Variants in SCFD1 observed in about 807,000 individuals in gnomAD.
The protein encoded by SCFD1 is sec1 family domain-containing protein 1.
A neutral mutation model predicts 103.2 loss-of-function variants in SCFD1; 37 were observed. The observed-to-expected ratio is 0.36, with a 90% CI of 0.28 to 0.47. The LOEUF (loss-of-function observed/expected upper bound fraction) is 0.47, where lower values mean the gene tolerates loss of function less well. Ranked by LOEUF, SCFD1 falls within the 20% of genes least tolerant of loss-of-function variation. SCFD1 has a pLI of 1.00. For missense variants in SCFD1, 639 were observed against 761.2 expected (o/e 0.84, Z 1.89); for synonymous variants, 264 against 245.0 (o/e 1.08, Z -0.73).
At chr14:30,660,915 T>C (rs1887390196) in intron 10 of SCFD1, among the ~76,000 whole-genome samples, 1 of 152,158 alleles carries the variant, frequency 6.6e-6, no homozygotes, top group Non-Finnish European at 1.5e-5. Context: ...TATCCTAAGC[T>C]AATCATATTC....
chr14:30,718,607 A>G (rs1892447677), intron 20 of SCFD1, among the ~76,000 whole-genome samples: 1 of 152,266 alleles, frequency 6.6e-6, no homozygotes, highest in African/African-American at 2.4e-5. Context: ...ATACTAAGTT[A>G]GACCTGATAA....
At chr14:30,703,943 ATATATATATATATATATATAAAT>A (rs1566645892) in intron 17 of SCFD1, among the ~76,000 whole-genome samples, 14 of 59,906 alleles carry the variant, frequency 2.3e-4, no homozygotes, top group South Asian at 2.0e-3. Context: ...ATATATATAT[ATATATATATATATATATATAAAT>A]AATGAGATAT....
intron 23 of SCFD1, among the ~76,000 whole-genome samples, chr14:30,725,033 T>C (rs2139422921): frequency 6.6e-6 from 1 of 152,300 alleles, no homozygotes; most frequent in South Asian, 2.1e-4. Flanking sequence ...TCTGTTTGAT[T>C]GGTCTGTAGG....
At chr14:30,647,630 C>T (rs537861397) in intron 7 of SCFD1, among the ~76,000 whole-genome samples, 5 of 152,018 alleles carry the variant, frequency 3.3e-5, no homozygotes, top group Non-Finnish European at 5.9e-5. Flanking sequence ...AGAAAGTACA[C>T]GTATACAACT....
chr14:30,699,080 T>C (rs921070347), intron 15 of SCFD1, among the ~76,000 whole-genome samples: 1 of 152,164 alleles, frequency 6.6e-6, no homozygotes, highest in Non-Finnish European at 1.5e-5. Flanking sequence ...AACAAAAATA[T>C]CAGTATTGTC....
chr14:30,643,185 T>G (rs1885459346), intron 6 of SCFD1, 131 bp from the exon 7 acceptor site: 1 of 727,754 alleles, frequency 1.4e-6, no homozygotes, highest in Admixed American at 2.5e-5. Context: ...AAAAAAAAAT[T>G]TAAACCAAAA....
chr14:30,723,314 G>A (rs761598196), intron 23 of SCFD1, among the ~76,000 whole-genome samples: 2 of 151,992 alleles, frequency 1.3e-5, no homozygotes, highest in Non-Finnish European at 2.9e-5. Context: ...CATAGGACAC[G>A]CTTCATCTTT....
At position 30,681,220 on chromosome 14, in the gene SCFD1, C is replaced by CAA. The variant is rs34998524; in HGVS notation, c.1242+6169_1242+6170dup. ...TGAGTGACAGAGTGAGACTCTGTCTCAAAAAAAAAAAAAAAGCGCTCAACA... is the reference window on the plus strand; with the variant it reads ...TGAGTGACAGAGTGAGACTCTGTCTCAAAAAAAAAAAAAAAAAGCGCTCAACA... On this transcript the variant is annotated intron_variant, in intron 14 of 24. Coordinates refer to ENST00000458591, the MANE Select transcript of SCFD1 (RefSeq NM_016106.4). Among the ~76,000 whole-genome samples, 137 of 98,230 alleles carry CAA rather than the reference C, an allele frequency of 1.4e-3. 1 individual carries two copies. The highest frequency in any genetic ancestry group is 2.2e-3 in the South Asian group (7 of 3,164). 64.4% of individuals were successfully genotyped at this position (98,230 alleles called of 152,430 possible).
At chr14:30,626,815 C>T (rs1883504676) in intron 1 of SCFD1, among the ~76,000 whole-genome samples, 1 of 152,260 alleles carries the variant, frequency 6.6e-6, no homozygotes, top group Non-Finnish European at 1.5e-5. Context: ...TGTACACACA[C>T]ATAAGTATGC....
chr14:30,677,440 T>A (rs1889117559), intron 14 of SCFD1, among the ~76,000 whole-genome samples: 1 of 152,186 alleles, frequency 6.6e-6, no homozygotes, highest in African/African-American at 2.4e-5. Context: ...GAAAATAATG[T>A]CATCTGTAGA....
Position 30,634,117 on chromosome 14 carries a change from G to T in SCFD1, c.312+80G>T. 5.2e-6 allele frequency: 4 copies of T among 766,460 alleles called. No individual in the cohort carries two copies. The South Asian group carries it at 7.1e-5, about 14-fold the overall frequency. 47.5% of individuals were successfully genotyped at this position (766,460 alleles called of 1,614,324 possible). On this transcript the variant is annotated intron_variant, in intron 4 of 24. Coordinates refer to ENST00000458591, the MANE Select transcript of SCFD1 (RefSeq NM_016106.4). ...CAAGAAAAATTCCTAGATGTCCAGGGTGAAAAATCAGAAATTCCTATGCCT... is the reference window on the plus strand; with the variant it reads ...CAAGAAAAATTCCTAGATGTCCAGGTTGAAAAATCAGAAATTCCTATGCCT...
In SCFD1 at chr14:30,653,531, T is replaced by G; in HGVS notation, c.798T>G (p.Asp266Glu). 6.2e-7 allele frequency: 1 copy of G among 1,613,834 alleles called. No homozygotes were observed. Among genetic ancestry groups the G allele is most frequent in the Non-Finnish European group, 8.5e-7 (1 of 1,179,798 alleles). ...TAGTCCTTGTTGACAGAAACATAGA[T>G]TTGGCAACTCCTTTACATCATACTT... ...PLLVLVDRNIDLATPLHHTWT... is the reference protein window; with the variant it reads ...PLLVLVDRNIELATPLHHTWT... The change falls in exon 10 of 25, where the codon GAT becomes GAG. Residue 266 changes from aspartate (D) to glutamate (E), a missense_variant. By Grantham distance (45) the Asp-to-Glu change is conservative. Coordinates refer to ENST00000458591, the MANE Select transcript of SCFD1 (RefSeq NM_016106.4).
chr14:30,709,582 G>A (rs1891720208), intron 19 of SCFD1, among the ~76,000 whole-genome samples: 1 of 152,096 alleles, frequency 6.6e-6, no homozygotes, highest in Admixed American at 6.5e-5. Context: ...CTACCTCCTG[G>A]TAAGGAGCTA....
intron 15 of SCFD1, among the ~76,000 whole-genome samples, chr14:30,696,120 G>A (rs1015829411): frequency 4.6e-5 from 7 of 152,040 alleles, no homozygotes; most frequent in Non-Finnish European, 7.4e-5. Flanking sequence ...CATAATTATG[G>A]TTTTTGAGTT....
chr14:30,656,506 T>C (rs2139130784), intron 10 of SCFD1, among the ~76,000 whole-genome samples: 3 of 152,236 alleles, frequency 2.0e-5, no homozygotes, highest in Admixed American at 2.0e-4. Flanking sequence ...CTTGACTCTC[T>C]AGGTGCCAGT....
At chr14:30,720,562 G>T (rs1594761944) in intron 21 of SCFD1, among the ~76,000 whole-genome samples, 1 of 151,720 alleles carries the variant, frequency 6.6e-6, no homozygotes, top group Middle Eastern at 3.4e-3. Flanking sequence ...AAAATATTTG[G>T]GGGGAAAAAC....
chr14:30,627,802 T>A (rs1594546608), intron 1 of SCFD1, among the ~76,000 whole-genome samples: 2 of 131,468 alleles, frequency 1.5e-5, no homozygotes. Flanking sequence ...CCACTCACAC[T>A]TAAAAAAAAA....
At chr14:30,666,113 C>T (rs1887941704) in intron 10 of SCFD1, among the ~76,000 whole-genome samples, 1 of 152,190 alleles carries the variant, frequency 6.6e-6, no homozygotes, top group South Asian at 2.1e-4. Context: ...TTCTTCTCAA[C>T]ACCACATCAC....
intron 1 of SCFD1, among the ~76,000 whole-genome samples, chr14:30,627,432 A>G (rs1432684501): frequency 2.0e-5 from 3 of 152,206 alleles, no homozygotes; most frequent in African/African-American, 7.2e-5. Flanking sequence ...TGAATATGCC[A>G]TGGATAATTT....
Sources: allele counts gnomAD v4.1 joint callset (sites outside exome capture counted in the v4.1 genomes callset), GRCh38; gene constraint gnomAD v4.1.1; transcripts MANE v1.5; gene names NCBI Gene and HGNC (gene_info 2026-07-23, HGNC 2026-07-21).